The following GALNT13 variants were observed in gnomAD, a reference collection of about 807,000 sequenced individuals.
GALNT13 encodes the protein UDP-GalNAc:polypeptide N-acetylgalactosaminyltransferase 13.
A neutral mutation model predicts 64.2 loss-of-function variants in GALNT13; 28 were observed. The ratio of observed to expected loss-of-function variants is 0.44; its 90% CI spans 0.32 to 0.60. GALNT13 has a LOEUF of 0.60. Among genes scored for constraint, GALNT13 ranks in the 20% least tolerant of loss-of-function variants. The pLI is 0.05. For synonymous variants in GALNT13, 214 were observed against 224.6 expected, an observed-to-expected ratio of 0.95 and a Z score of 0.42; for missense variants, 577 against 669.8, an observed-to-expected ratio of 0.86 and a Z score of 1.53.
chr2:154,218,820 C>A (rs1688179736), intron 4 of GALNT13, among the ~76,000 whole-genome samples: 1 of 151,958 alleles, frequency 6.6e-6, no homozygotes, highest in Admixed American at 6.6e-5. Context: ...ATTTTGTGAA[C>A]AATTGTCTGT....
the GALNT13 span, among the ~76,000 whole-genome samples, chr2:153,245,628 A>T: frequency 3.9e-5 from 6 of 152,204 alleles, no homozygotes; most frequent in Non-Finnish European, 5.9e-5. Context: ...CAACACACAC[A>T]AACTCCATCC....
the GALNT13 span, among the ~76,000 whole-genome samples, chr2:153,609,649 G>A: frequency 6.6e-6 from 1 of 152,096 alleles, no homozygotes; most frequent in African/African-American, 2.4e-5. Context: ...AGCAGTCTTA[G>A]GTATTCACTT....
At chr2:153,083,594 T>C in the GALNT13 span, among the ~76,000 whole-genome samples, 1 of 152,222 alleles carries the variant, frequency 6.6e-6, no homozygotes, top group Non-Finnish European at 1.5e-5. Context: ...ATTATTTTTT[T>C]TTCATGCTGC....
the GALNT13 span, among the ~76,000 whole-genome samples, chr2:153,257,431 G>T: frequency 6.6e-6 from 1 of 152,120 alleles, no homozygotes; most frequent in East Asian, 2.0e-4. Flanking sequence ...CTCACACTGG[G>T]AGCTGTAGAC....
At chr2:153,703,901 T>C in the GALNT13 span, among the ~76,000 whole-genome samples, 1 of 152,104 alleles carries the variant, frequency 6.6e-6, no homozygotes, top group African/African-American at 2.4e-5. Context: ...TTCTTCACAG[T>C]AAAATAAAAA....
chr2:153,542,491 G>A, the GALNT13 span, among the ~76,000 whole-genome samples: 7 of 152,152 alleles, frequency 4.6e-5, no homozygotes, highest in African/African-American at 1.7e-4. Context: ...AAGGGGCCAA[G>A]TTGGGGATCA....
the GALNT13 span, among the ~76,000 whole-genome samples, chr2:153,219,607 G>T: frequency 6.6e-6 from 1 of 152,320 alleles, no homozygotes; most frequent in South Asian, 2.1e-4. Flanking sequence ...GGCATCTGAA[G>T]ACCAAGTTAT....
chr2:153,126,458 TC>T, the GALNT13 span, among the ~76,000 whole-genome samples: 18 of 151,030 alleles, frequency 1.2e-4, no homozygotes, highest in African/African-American at 4.4e-4. Context: ...CCTCCACAAA[TC>T]TCCAAAACAA....
chr2:154,140,264 A>G (rs1683184018), intron 3 of GALNT13, 73 bp from the exon 4 acceptor site: 1 of 1,112,236 alleles, frequency 9.0e-7, no homozygotes, highest in Non-Finnish European at 1.3e-6. Flanking sequence ...ATCTAATCAG[A>G]CACACAAGTT....
intron 3 of GALNT13, among the ~76,000 whole-genome samples, chr2:153,965,720 C>T (rs1378223548): frequency 6.7e-6 from 1 of 150,206 alleles, no homozygotes; most frequent in African/African-American, 2.4e-5. Context: ...TACCATAAGA[C>T]TTGTAGATAT....
At chr2:154,182,015 C>T (rs1685986478) in intron 4 of GALNT13, among the ~76,000 whole-genome samples, 1 of 151,942 alleles carries the variant, frequency 6.6e-6, no homozygotes, top group South Asian at 2.1e-4. Flanking sequence ...AATTGAAATA[C>T]TCAGAGATAT....
chr2:154,118,634 G>A (rs577834001), intron 3 of GALNT13, among the ~76,000 whole-genome samples: 7 of 151,060 alleles, frequency 4.6e-5, no homozygotes, highest in Admixed American at 4.6e-4. Flanking sequence ...TTTCTGTAGT[G>A]GTTCATGCTT....
intron 3 of GALNT13, among the ~76,000 whole-genome samples, chr2:154,053,193 C>T (rs181945053): frequency 6.6e-6 from 1 of 152,256 alleles, no homozygotes; most frequent in African/African-American, 2.4e-5. Context: ...AGAAAGAACA[C>T]TGAACTTGGA....
At chr2:153,155,249 A>G in the GALNT13 span, among the ~76,000 whole-genome samples, 1 of 152,176 alleles carries the variant, frequency 6.6e-6, no homozygotes, top group Non-Finnish European at 1.5e-5. Context: ...AGAATGTGTT[A>G]GGGAGGAGTC....
chr2:153,085,303 T>G, the GALNT13 span, among the ~76,000 whole-genome samples: 7 of 152,144 alleles, frequency 4.6e-5, no homozygotes, highest in Admixed American at 4.6e-4. Context: ...GCTGCAGAAA[T>G]TTGCATAAGT....
chr2:153,955,345 A>G (rs1692488990), intron 3 of GALNT13, among the ~76,000 whole-genome samples: 4 of 152,228 alleles, frequency 2.6e-5, no homozygotes, highest in African/African-American at 9.6e-5. Flanking sequence ...ATAAACTTGA[A>G]TAAGAGTTAA....
upstream of GALNT13, among the ~76,000 whole-genome samples, chr2:153,867,563 G>T (rs1351341832): frequency 6.6e-6 from 1 of 152,048 alleles, no homozygotes; most frequent in African/African-American, 2.4e-5. Context: ...TGGGAGAGGG[G>T]ATGGTTTCAG....
chr2:154,167,643 C>A (rs1162314157), intron 4 of GALNT13, among the ~76,000 whole-genome samples: 2 of 152,120 alleles, frequency 1.3e-5, no homozygotes, highest in Non-Finnish European at 2.9e-5. Context: ...AGAGGGAGGG[C>A]AATGGTCAGT....
the GALNT13 span, among the ~76,000 whole-genome samples, chr2:153,079,984 G>T: frequency 6.6e-6 from 1 of 151,066 alleles, no homozygotes; most frequent in South Asian, 2.1e-4. Context: ...AATACATATG[G>T]CAAGTTGTAT....
Sources: allele counts gnomAD v4.1 joint callset (sites outside exome capture counted in the v4.1 genomes callset), GRCh38; gene constraint gnomAD v4.1.1; transcripts MANE v1.5; gene names NCBI Gene and HGNC (gene_info 2026-07-23, HGNC 2026-07-21).